GEN1: variants seen among roughly 807,000 people sequenced by gnomAD.
The protein encoded by GEN1 is flap endonuclease GEN homolog 1.
In GEN1, 64 loss-of-function variants were observed where a neutral mutation model predicts 67.6. The observed-to-expected ratio is 0.95, with a 90% CI of 0.77 to 1.17. GEN1 has a LOEUF of 1.17. Among genes scored for constraint, GEN1 ranks in the 50% most tolerant of loss-of-function variants. The pLI, the probability that GEN1 is intolerant of heterozygous loss-of-function variation, is 0.00. For missense variants in GEN1, 1,058 were observed against 1,048.3 expected (o/e 1.01, Z -0.13); for synonymous variants, 371 against 359.4 (o/e 1.03, Z -0.37).
At chr2:17,770,833 C>T (rs926963890) in intron 6 of GEN1, among the ~76,000 whole-genome samples, 1 of 151,624 alleles carries the variant, frequency 6.6e-6, no homozygotes, top group Non-Finnish European at 1.5e-5. Context: ...CTCTGGCACA[C>T]AGAGTCAGTC....
intron 6 of GEN1, among the ~76,000 whole-genome samples, chr2:17,770,022 G>A (rs1189614224): frequency 6.6e-6 from 1 of 152,122 alleles, no homozygotes; most frequent in Non-Finnish European, 1.5e-5. Flanking sequence ...GTTGATAAAT[G>A]TAAGACTTCA....
At position 17,781,620 on chromosome 2, in the gene GEN1, ATGAACAAAG is replaced by A. The variant is rs761753318; in HGVS notation, c.2411_2419del (p.Glu804_Ser806del). ...GTTTGCCTTGACAGACATTCCTCTG[ATGAACAAAG>A]TGCCCCAGTGTTTGGGAAAGCTAAG... On this transcript the variant is annotated inframe_deletion, in exon 14 of 14. Transcript: ENST00000381254. 6.2e-7 allele frequency: 1 copy of A among 1,614,048 alleles called. No individual in the cohort carries two copies. Among genetic ancestry groups the A allele is most frequent in the East Asian group, 2.2e-5 (1 of 44,862 alleles).
Position 17,780,955 on chromosome 2 carries a change from T to C in GEN1, c.1743T>C (p.Ala581=). ...CATCTCATAATATATCCGTGATTGC[T>C]GATCTACACTTGAGCACTATTGACT... is the stretch of plus-strand genomic sequence containing the variant. ...NTSSHNISVI[A]DLHLSTIDWE... Residue 581 remains alanine, a synonymous_variant, in exon 14 of 14, where the codon GCT becomes GCC. Coordinates refer to ENST00000381254, the MANE Select transcript of GEN1 (RefSeq NM_001130009.3). The C allele has an allele frequency of 6.3e-7, 1 of 1,585,680 alleles. No homozygotes were observed. The highest frequency in any genetic ancestry group is 2.3e-5 in the East Asian group (1 of 43,824).
chr2:17,759,963 G>T lies in GEN1; in HGVS notation c.20G>T (p.Trp7Leu). The change falls in exon 2 of 14, where the codon TGG (tryptophan) becomes TTG (leucine). Residue 7 changes from tryptophan to leucine, a missense_variant. Physicochemically the swap from Trp to Leu is moderately conservative, Grantham distance 61. Transcript: ENST00000381254. MGVNDL[W>L]QILEPVKQHI... ...ACCAGAATGGGAGTGAATGACTTGT[G>T]GCAAATTTTGGAGCCTGTTAAGCAA... The T allele has an allele frequency of 6.2e-7, 1 of 1,613,830 alleles. No homozygotes were observed. Among genetic ancestry groups the T allele is most frequent in the Non-Finnish European group, 8.5e-7 (1 of 1,179,928 alleles).
chr2:17,766,547 T>G (rs746360390), intron 4 of GEN1, 32 bp from the exon 5 acceptor site: 2 of 1,126,424 alleles, frequency 1.8e-6, no homozygotes, highest in Non-Finnish European at 2.7e-6. Flanking sequence ...ATGTACTTTT[T>G]GAGGATTAAA....
At chr2:17,773,556 G>T (rs1672290704) in intron 10 of GEN1, among the ~76,000 whole-genome samples, 1 of 151,978 alleles carries the variant, frequency 6.6e-6, no homozygotes, top group Non-Finnish European at 1.5e-5. Context: ...GGATATTTTG[G>T]GGGAAGAGGG....
intron 6 of GEN1, 129 bp from the exon 7 acceptor site, chr2:17,771,067 A>G: frequency 1.4e-6 from 1 of 705,538 alleles, no homozygotes; most frequent in Non-Finnish European, 2.6e-6. Context: ...TAGGCCAGCA[A>G]CTTTATCAGC....
chr2:17,754,326 A>T lies in GEN1; in HGVS notation c.-35A>T, dbSNP rs767796616. 6.6e-6 allele frequency: 1 copy of T among 152,026 alleles called. No individual in the cohort carries two copies. The highest frequency in any genetic ancestry group is 1.5e-5 in the Non-Finnish European group (1 of 68,026). The allele number at this position is 152,026 out of a possible 1,614,324, so 9.4% of individuals were successfully genotyped here. On this transcript the variant is annotated 5_prime_UTR_variant, in exon 1 of 14. Coordinates refer to ENST00000381254, the MANE Select transcript of GEN1 (RefSeq NM_001130009.3). ...TGACGAAGGGGCTTCTTCCAGAGCCAAGGAGGAAGGGTTGTCCGGGTAAGT... is the reference window on the plus strand; with the variant it reads ...TGACGAAGGGGCTTCTTCCAGAGCCTAGGAGGAAGGGTTGTCCGGGTAAGT...
In GEN1 at chr2:17,786,476, T is replaced by A. The variant is rs1156985628; in HGVS notation, c.*4537T>A. The A allele has an allele frequency of 1.3e-5, 2 of 152,228 alleles. No individual in the cohort carries two copies. Among genetic ancestry groups the A allele is most frequent in the Non-Finnish European group, 2.9e-5 (2 of 68,038 alleles). 9.4% of individuals were successfully genotyped at this position (152,228 alleles called of 1,614,324 possible). ...GGTAACTAATATTCATCTAATCACC[T>A]ACCACATTTTTGGAGCACCCACTTT... On this transcript the variant is annotated 3_prime_UTR_variant, in exon 14 of 14. Transcript: ENST00000381254.
intron 13 of GEN1, 45 bp downstream of exon 13, chr2:17,780,166 A>T: frequency 1.3e-6 from 2 of 1,499,824 alleles, no homozygotes; most frequent in Admixed American, 1.8e-5. Flanking sequence ...TGCAAATGTT[A>T]TAGAAGAGCC....
chr2:17,760,168 G>T, intron 2 of GEN1, 64 bp downstream of exon 2: 47 of 1,422,448 alleles, frequency 3.3e-5, no homozygotes, highest in East Asian at 2.4e-4. Flanking sequence ...TCTTGATTTT[G>T]TTTCACCTTT....
chr2:17,774,308 A>T lies in GEN1; in HGVS notation c.1109A>T (p.Tyr370Phe). The T allele has an allele frequency of 6.3e-7, 1 of 1,594,722 alleles. No homozygotes were observed. The highest frequency in any genetic ancestry group is 8.6e-7 in the Non-Finnish European group (1 of 1,164,646). The change falls in exon 11 of 14, where the codon TAT becomes TTT. Residue 370 changes from tyrosine (Y) to phenylalanine (F), a missense_variant. Tyr to Phe is a conservative substitution (Grantham distance 22, BLOSUM62 3). Coordinates refer to ENST00000381254, the MANE Select transcript of GEN1 (RefSeq NM_001130009.3). ...TLEKMEWPNHYACEKLLVLLT... is the reference protein window; with the variant it reads ...TLEKMEWPNHFACEKLLVLLT... ...GAAAAAATGGAGTGGCCCAATCACT[A>T]TGCATGTGAGAAATTGCTGGTACTT... is the stretch of plus-strand genomic sequence containing the variant.
intron 11 of GEN1, among the ~76,000 whole-genome samples, chr2:17,777,435 A>G (rs528139143): frequency 6.6e-6 from 1 of 152,348 alleles, no homozygotes; most frequent in East Asian, 1.9e-4. Context: ...AAAATAAGAA[A>G]GTAAAACTAT....
At position 17,778,187 on chromosome 2, in the gene GEN1, TACAC is replaced by T. The variant is rs111762781; in HGVS notation, c.1264+132_1264+135del. Reference sequence around the variant, plus strand: ...ACATAGATATGTGTATATATATATATACACACACACATATATGTGTATATATATG... The same window carrying T: ...ACATAGATATGTGTATATATATATATACACACATATATGTGTATATATATG... On this transcript the variant is annotated intron_variant, in intron 12 of 13. Coordinates refer to ENST00000381254, the MANE Select transcript of GEN1 (RefSeq NM_001130009.3). The T allele has an allele frequency of 3.4e-4, 119 of 346,324 alleles. 1 individual carries two copies. The highest frequency in any genetic ancestry group is 7.6e-4 in the Middle Eastern group (1 of 1,322). 21.5% of individuals were successfully genotyped at this position (346,324 alleles called of 1,614,324 possible). A position where few individuals can be genotyped will look rare whatever the true frequency, so the allele number is the denominator to read the frequency against.
rs1673133116 is a variant in GEN1 at position 17,788,784 on chromosome 2, T to C, written c.*6845T>C. 1 of 152,198 alleles carries C rather than the reference T, an allele frequency of 6.6e-6. No individual in the cohort carries two copies. The highest frequency in any genetic ancestry group is 2.4e-5 in the African/African-American group (1 of 41,456). 9.4% of individuals were successfully genotyped at this position (152,198 alleles called of 1,614,324 possible). A position where few individuals can be genotyped will look rare whatever the true frequency, so the allele number is the denominator to read the frequency against. ...GCTGTTCTTTAATAAATGCTTTCAA[T>C]CTGAAAGTCAGAAAGTGATTTATGA... On this transcript the variant is annotated 3_prime_UTR_variant, in exon 14 of 14. Coordinates refer to ENST00000381254, the MANE Select transcript of GEN1 (RefSeq NM_001130009.3).
In GEN1 at chr2:17,783,512, A is replaced by T. The variant is rs1449047401; in HGVS notation, c.*1573A>T. The T allele has an allele frequency of 6.6e-6, 1 of 152,252 alleles. No individual in the cohort carries two copies. 9.4% of individuals were successfully genotyped at this position (152,252 alleles called of 1,614,324 possible). On this transcript the variant is annotated 3_prime_UTR_variant, in exon 14 of 14. Coordinates refer to ENST00000381254, the MANE Select transcript of GEN1 (RefSeq NM_001130009.3). ...GGTTTCTTTGCTGATTCTAAAATTC[A>T]TATGGAAATTTCAGGAACACAGAAT...
At chr2:17,771,863 A>G (rs1473043020) in intron 7 of GEN1, among the ~76,000 whole-genome samples, 1 of 151,654 alleles carries the variant, frequency 6.6e-6, no homozygotes, top group Non-Finnish European at 1.5e-5. Context: ...TTAGGATATC[A>G]TGTTAACTCA....
At chr2:17,757,161 CAT>C (rs1671467273) in intron 1 of GEN1, among the ~76,000 whole-genome samples, 1 of 150,828 alleles carries the variant, frequency 6.6e-6, no homozygotes, top group African/African-American at 2.4e-5. Flanking sequence ...CTGTAGTAAT[CAT>C]GTGATATTAA....
At position 17,780,951 on chromosome 2, in the gene GEN1, T is replaced by A; in HGVS notation, c.1739T>A (p.Ile580Asn). Residue 580 changes from isoleucine to asparagine, a missense_variant, in exon 14 of 14, where the codon ATT becomes AAT. Physicochemically the swap from Ile to Asn is moderately radical, Grantham distance 149. Transcript: ENST00000381254. ...PNTSSHNISV[I>N]ADLHLSTIDW... ...ACCTCATCTCATAATATATCCGTGA[T>A]TGCTGATCTACACTTGAGCACTATT... 1 of 1,595,636 alleles carries A rather than the reference T, an allele frequency of 6.3e-7. No homozygotes were observed. Among genetic ancestry groups the A allele is most frequent in the Non-Finnish European group, 8.5e-7 (1 of 1,171,464 alleles).
Sources: allele counts gnomAD v4.1 joint callset (sites outside exome capture counted in the v4.1 genomes callset), GRCh38; gene constraint gnomAD v4.1.1; transcripts MANE v1.5; gene names NCBI Gene and HGNC (gene_info 2026-07-23, HGNC 2026-07-21).